The following QTMAN variants were observed in gnomAD, a reference collection of about 807,000 sequenced individuals.
The protein encoded by QTMAN is tRNA-queuosine alpha-mannosyltransferase.
chr2:143,951,565 C>T, the QTMAN span, among the ~76,000 whole-genome samples: 2 of 151,484 alleles, frequency 1.3e-5, no homozygotes, highest in Admixed American at 6.6e-5. Flanking sequence ...CCAAACTTCA[C>T]TAATGTCATT....
chr2:144,140,842 C>T, the QTMAN span, among the ~76,000 whole-genome samples: 1 of 151,920 alleles, frequency 6.6e-6, no homozygotes, highest in Non-Finnish European at 1.5e-5. Flanking sequence ...AAAGATTGGG[C>T]AAGATGGTCT....
chr2:144,033,739 C>T, the QTMAN span, among the ~76,000 whole-genome samples: 1 of 152,132 alleles, frequency 6.6e-6, no homozygotes, highest in African/African-American at 2.4e-5. Context: ...TCCTTAGGGG[C>T]TTTCCAAAAG....
the QTMAN span, among the ~76,000 whole-genome samples, chr2:144,019,816 G>A: frequency 1.3e-5 from 2 of 152,168 alleles, no homozygotes; most frequent in Non-Finnish European, 2.9e-5. Flanking sequence ...TTGGCTCCCA[G>A]AGAGCTGGAG....
the QTMAN span, among the ~76,000 whole-genome samples, chr2:144,049,894 A>G: frequency 6.6e-6 from 1 of 152,308 alleles, no homozygotes; most frequent in Admixed American, 6.5e-5. Flanking sequence ...GATATAATTA[A>G]GCCACCTATT....
the QTMAN span, among the ~76,000 whole-genome samples, chr2:144,224,022 T>C: frequency 4.6e-5 from 7 of 152,230 alleles, no homozygotes; most frequent in Admixed American, 3.3e-4. Flanking sequence ...ACTCAAAATA[T>C]TCTATTTTCA....
the QTMAN span, among the ~76,000 whole-genome samples, chr2:143,993,486 C>T: frequency 6.6e-6 from 1 of 151,846 alleles, no homozygotes; most frequent in East Asian, 1.9e-4. Context: ...TCTGGGTGGG[C>T]CCTCAATCCA....
the QTMAN span, among the ~76,000 whole-genome samples, chr2:143,954,302 T>A: frequency 6.6e-6 from 1 of 152,140 alleles, no homozygotes; most frequent in East Asian, 1.9e-4. Context: ...CAAATACATA[T>A]GAACATTCTC....
chr2:144,040,753 A>G, the QTMAN span, among the ~76,000 whole-genome samples: 4 of 152,232 alleles, frequency 2.6e-5, no homozygotes, highest in Admixed American at 2.6e-4. Context: ...CTTCAAAGAA[A>G]TAACTCAGTT....
At chr2:144,162,758 T>C in the QTMAN span, among the ~76,000 whole-genome samples, 1 of 152,108 alleles carries the variant, frequency 6.6e-6, no homozygotes, top group Non-Finnish European at 1.5e-5. Context: ...TTCCAGGTCT[T>C]GGATGGATAA....
At chr2:143,955,855 A>T in the QTMAN span, among the ~76,000 whole-genome samples, 1 of 152,222 alleles carries the variant, frequency 6.6e-6, no homozygotes, top group Non-Finnish European at 1.5e-5. Flanking sequence ...CATCTGCTAC[A>T]TCTAAAGATG....
chr2:144,270,842 G>C, the QTMAN span, among the ~76,000 whole-genome samples: 1 of 151,942 alleles, frequency 6.6e-6, no homozygotes, highest in Non-Finnish European at 1.5e-5. Context: ...AAAAGAAGGT[G>C]GTCTTCCAAG....
At chr2:144,085,667 G>T in the QTMAN span, among the ~76,000 whole-genome samples, 8 of 152,180 alleles carry the variant, frequency 5.3e-5, no homozygotes, top group Non-Finnish European at 1.2e-4. Context: ...CCCAAGAGAT[G>T]AGGGGGATGT....
the QTMAN span, among the ~76,000 whole-genome samples, chr2:144,169,423 A>C: frequency 2.6e-5 from 4 of 152,168 alleles, no homozygotes; most frequent in Non-Finnish European, 4.4e-5. Flanking sequence ...TTAATTAAAA[A>C]ATATTTTTTT....
At chr2:144,194,384 G>GGGCCT in the QTMAN span, among the ~76,000 whole-genome samples, 1 of 152,140 alleles carries the variant, frequency 6.6e-6, no homozygotes, top group Non-Finnish European at 1.5e-5. Context: ...CTGACTTCTA[G>GGGCCT]TCCAAGGCCC....
the QTMAN span, among the ~76,000 whole-genome samples, chr2:144,103,032 C>T: frequency 6.6e-6 from 1 of 152,110 alleles, no homozygotes; most frequent in Non-Finnish European, 1.5e-5. Flanking sequence ...TCCTAATGAT[C>T]CTTTGGAAGA....
At chr2:144,018,351 T>TA in the QTMAN span, among the ~76,000 whole-genome samples, 1 of 152,142 alleles carries the variant, frequency 6.6e-6, no homozygotes, top group Non-Finnish European at 1.5e-5. Context: ...GCTCCCATAT[T>TA]AAATGTTCGG....
the QTMAN span, among the ~76,000 whole-genome samples, chr2:144,201,012 AGGT>A: frequency 6.6e-6 from 1 of 152,244 alleles, no homozygotes; most frequent in Non-Finnish European, 1.5e-5. Flanking sequence ...ATTATCTGCT[AGGT>A]GGCATACTAG....
chr2:144,184,350 T>C, the QTMAN span, among the ~76,000 whole-genome samples: 4 of 152,264 alleles, frequency 2.6e-5, no homozygotes, highest in East Asian at 5.8e-4. Context: ...ATATTTTCTT[T>C]TAGAGAGCTT....
At chr2:144,083,592 G>C in the QTMAN span, among the ~76,000 whole-genome samples, 1 of 152,196 alleles carries the variant, frequency 6.6e-6, no homozygotes, top group African/African-American at 2.4e-5. Flanking sequence ...AATATTACTG[G>C]AGGAGGATAG....
Sources: allele counts gnomAD v4.1 joint callset (sites outside exome capture counted in the v4.1 genomes callset), GRCh38; gene constraint gnomAD v4.1.1; transcripts MANE v1.5; gene names NCBI Gene and HGNC (gene_info 2026-07-23, HGNC 2026-07-21).